The following TMTC4 variants were observed in gnomAD, a reference collection of about 807,000 sequenced individuals.
TMTC4 encodes protein O-mannosyl-transferase TMTC4.
In TMTC4, 65 loss-of-function variants were observed where a neutral mutation model predicts 86.0. The ratio of observed to expected loss-of-function variants is 0.76; its 90% CI spans 0.62 to 0.93. The LOEUF (loss-of-function observed/expected upper bound fraction) is 0.93, where lower values mean the gene tolerates loss of function less well. Among genes scored for constraint, TMTC4 ranks in the 40% least tolerant of loss-of-function variants. TMTC4 has a pLI of 0.00. For missense variants in TMTC4, 866 were observed against 948.1 expected, an observed-to-expected ratio of 0.91 and a Z score of 1.14; for synonymous variants, 379 against 382.5, an observed-to-expected ratio of 0.99 and a Z score of 0.11.
At chr13:100,630,031 G>C (rs72661068) in intron 12 of TMTC4, among the ~76,000 whole-genome samples, 1 of 28,134 alleles carries the variant, frequency 3.6e-5, no homozygotes, top group Non-Finnish European at 1.1e-4. Flanking sequence ...GTGTGTATGT[G>C]TGTGTGTGTG....
At chr13:100,623,951 T>A (rs1306776763) in intron 15 of TMTC4, 10 of 458,870 alleles carry the variant, frequency 2.2e-5, no homozygotes, top group South Asian at 1.6e-4. Flanking sequence ...TTGGGGGTAG[T>A]ACATTGTATG....
chr13:100,659,791 C>G (rs1486127025), intron 5 of TMTC4, among the ~76,000 whole-genome samples: 1 of 150,072 alleles, frequency 6.7e-6, no homozygotes, highest in Non-Finnish European at 1.5e-5. Context: ...CATTACCAAG[C>G]AGAGGCCAGG....
intron 17 of TMTC4, among the ~76,000 whole-genome samples, chr13:100,612,020 T>C (rs1877666161): frequency 6.6e-6 from 1 of 152,232 alleles, no homozygotes; most frequent in Admixed American, 6.5e-5. Context: ...CCTGTTGTGC[T>C]AGGGTGGGGC....
At chr13:100,627,153 G>A (rs1307153069) in intron 12 of TMTC4, among the ~76,000 whole-genome samples, 1 of 152,178 alleles carries the variant, frequency 6.6e-6, no homozygotes, top group Non-Finnish European at 1.5e-5. Flanking sequence ...ATTCTCACAG[G>A]GTCTGAGCAA....
chr13:100,613,839 GC>G (rs1287591016), intron 16 of TMTC4, among the ~76,000 whole-genome samples: 5 of 25,818 alleles, frequency 1.9e-4, no homozygotes, highest in East Asian at 2.8e-3. Flanking sequence ...CCCCCTACCC[GC>G]CCCCCCCTTT....
At chr13:100,632,015 C>CCACACACACACACA (rs60522457) in intron 12 of TMTC4, among the ~76,000 whole-genome samples, 161 of 99,312 alleles carry the variant, frequency 1.6e-3, no homozygotes, top group African/African-American at 5.6e-3. Flanking sequence ...TAAGAGGAAA[C>CCACACACACACACA]CACACACACA....
intron 5 of TMTC4, among the ~76,000 whole-genome samples, chr13:100,661,995 C>T (rs1885832795): frequency 6.6e-6 from 1 of 152,080 alleles, no homozygotes; most frequent in South Asian, 2.1e-4. Flanking sequence ...AAAGGGTCCA[C>T]ATGGTGGTGC....
chr13:100,617,304 T>C (rs1175681344), intron 15 of TMTC4, among the ~76,000 whole-genome samples: 1 of 151,958 alleles, frequency 6.6e-6, no homozygotes, highest in African/African-American at 2.4e-5. Flanking sequence ...CCAGCTAATT[T>C]TTTTGGATTT....
Position 100,663,151 on chromosome 13 carries a change from T to G in TMTC4, c.365A>C (p.His122Pro). The G allele has an allele frequency of 6.2e-7, 1 of 1,613,884 alleles. No homozygotes were observed. The highest frequency in any genetic ancestry group is 8.5e-7 in the Non-Finnish European group (1 of 1,179,958). Residue 122 changes from histidine to proline, a missense_variant, in exon 5 of 19, where the codon CAC becomes CCC. Transcript: ENST00000342624. ...GTTGACCACGTGAAAGCCCACGGGGTGGAAGCCTCCCGAGAGGTAGTAGTT... is the reference window on the plus strand; with the variant it reads ...GTTGACCACGTGAAAGCCCACGGGGGGGAAGCCTCCCGAGAGGTAGTAGTT... ...RINYYLSGGF[H>P]PVGFHVVNIL...
chr13:100,667,545 T>C (rs1886539655), intron 3 of TMTC4, among the ~76,000 whole-genome samples: 1 of 152,220 alleles, frequency 6.6e-6, no homozygotes, highest in Non-Finnish European at 1.5e-5. Flanking sequence ...AAATCAGTCA[T>C]GTTGCCCCCA....
At chr13:100,665,018 T>C (rs191510696) in intron 3 of TMTC4, among the ~76,000 whole-genome samples, 137 of 152,314 alleles carry the variant, frequency 9.0e-4, no homozygotes, top group Middle Eastern at 3.4e-3. Flanking sequence ...TGGATAAACA[T>C]ATTTTTTTAA....
At position 100,668,663 on chromosome 13, in the gene TMTC4, C is replaced by T. The variant is rs765712580; in HGVS notation, c.135G>A (p.Val45=). ...CAAAACACACAATGGCAACCGATCC[C>T]ACTACTAACTTAGCCCAGAATGGAG... The part of the protein sequence containing the change: ...VLPPFWAKLV[V]GSVAIVCFAR... Residue 45 remains valine, a synonymous_variant, in exon 3 of 19, where the codon GTG becomes GTA. Transcript: ENST00000342624. The T allele has an allele frequency of 3.7e-5, 59 of 1,614,100 alleles. No individual in the cohort carries two copies. Among genetic ancestry groups the T allele is most frequent in the Non-Finnish European group, 4.8e-5 (57 of 1,180,060 alleles).
chr13:100,630,366 T>C (rs9518112), intron 12 of TMTC4, among the ~76,000 whole-genome samples: 29,330 of 152,136 alleles, frequency 0.19, 3,162 homozygotes, highest in Middle Eastern at 0.25. Flanking sequence ...GCAGAGAAAT[T>C]GCAGGTGATA....
intron 6 of TMTC4, among the ~76,000 whole-genome samples, chr13:100,651,391 T>C (rs917234942): frequency 2.0e-5 from 3 of 152,012 alleles, no homozygotes; most frequent in African/African-American, 4.8e-5. Flanking sequence ...ACTAGTGTTT[T>C]TTGTTTGTTT....
intron 17 of TMTC4, among the ~76,000 whole-genome samples, chr13:100,607,139 G>A (rs183965472): frequency 1.1e-4 from 17 of 152,260 alleles, no homozygotes; most frequent in African/African-American, 3.1e-4. Flanking sequence ...AAATAAAGAC[G>A]CCTAACCTGT....
At chr13:100,673,740 T>A (rs1887437087) in intron 1 of TMTC4, among the ~76,000 whole-genome samples, 1 of 152,228 alleles carries the variant, frequency 6.6e-6, no homozygotes, top group Non-Finnish European at 1.5e-5. Context: ...ACAGTTCCAC[T>A]GTCCCAGAAA....
intron 7 of TMTC4, among the ~76,000 whole-genome samples, chr13:100,639,160 T>A (rs1167935953): frequency 6.6e-6 from 1 of 152,222 alleles, no homozygotes; most frequent in Non-Finnish European, 1.5e-5. Flanking sequence ...TAATATGATC[T>A]TCTTTGCGGC....
chr13:100,666,323 T>C (rs1439030515), intron 3 of TMTC4, among the ~76,000 whole-genome samples: 3 of 152,202 alleles, frequency 2.0e-5, no homozygotes, highest in Admixed American at 1.3e-4. Flanking sequence ...ACAGTGCCAA[T>C]GAACGGAGGA....
chr13:100,660,119 C>T (rs1395508168), intron 5 of TMTC4, among the ~76,000 whole-genome samples: 1 of 151,358 alleles, frequency 6.6e-6, no homozygotes, highest in African/African-American at 2.4e-5. Context: ...TCACTTGGGG[C>T]CAAGAGTTCG....
Sources: gnomAD v4.1 joint callset for allele counts (sites outside exome capture counted in the v4.1 genomes callset) on GRCh38, gnomAD v4.1.1 for gene constraint, MANE v1.5 for transcripts, NCBI Gene and HGNC (gene_info 2026-07-23, HGNC 2026-07-21) for gene names.